Variants in YEATS4 observed in about 807,000 individuals in gnomAD.
YEATS4 encodes the protein YEATS domain containing 4, also known as YEATS domain-containing protein 4.
Under a neutral mutation model 30.1 loss-of-function variants are expected in YEATS4, and 17 were observed. That is an observed-to-expected ratio of 0.56 (90% CI 0.39 to 0.85). YEATS4 has a LOEUF of 0.85. Ranked by LOEUF, YEATS4 falls within the 40% of genes least tolerant of loss-of-function variation. The pLI is 0.00. For synonymous variants in YEATS4, 85 were observed against 87.5 expected, an observed-to-expected ratio of 0.97 and a Z score of 0.16; for missense variants, 142 against 268.3, an observed-to-expected ratio of 0.53 and a Z score of 3.29.
At chr12:69,362,706 A>T in intron 1 of YEATS4, 82 bp from the exon 2 acceptor site, 2 of 1,097,576 alleles carry the variant, frequency 1.8e-6, no homozygotes, top group Non-Finnish European at 2.4e-6. Context: ...GCCATTCTTT[A>T]AAGCAAGTTT....
chr12:69,368,700 C>T (rs1257413059), intron 4 of YEATS4, among the ~76,000 whole-genome samples: 1 of 152,156 alleles, frequency 6.6e-6, no homozygotes, highest in Non-Finnish European at 1.5e-5. Flanking sequence ...TTTTCCAAAG[C>T]CTTTAGGGGA....
chr12:69,370,965 T>C lies in YEATS4; in HGVS notation c.504T>C (p.His168=), dbSNP rs199732701. The change falls in exon 6 of 7, where the codon CAT becomes CAC. Residue 168 remains histidine (H), a synonymous_variant. Transcript: ENST00000247843. The part of the protein sequence containing the change: ...SRQLTLGAYK[H]ETEFAELEVK... ...AGCTAACATTAGGAGCCTATAAGCA[T>C]GAAACAGAATGTAAGTGCCATGCAT... 1.2e-6 allele frequency: 2 copies of C among 1,609,770 alleles called. No homozygotes were observed. The highest frequency in any genetic ancestry group is 2.7e-5 in the African/African-American group (2 of 74,686).
At chr12:69,375,265 G>A (rs1020202508) in intron 6 of YEATS4, among the ~76,000 whole-genome samples, 5 of 151,584 alleles carry the variant, frequency 3.3e-5, no homozygotes, top group African/African-American at 1.2e-4. Context: ...TTTCCAGATG[G>A]GGTCGCGGCC....
At chr12:69,381,473 A>T (rs1433537931) in intron 6 of YEATS4, among the ~76,000 whole-genome samples, 2 of 152,186 alleles carry the variant, frequency 1.3e-5, no homozygotes, top group Non-Finnish European at 2.9e-5. Context: ...TTGTGCAGTT[A>T]ACGCAATCAT....
intron 6 of YEATS4, among the ~76,000 whole-genome samples, chr12:69,386,088 CTT>C (rs1435630562): frequency 1.3e-5 from 2 of 152,182 alleles, no homozygotes; most frequent in African/African-American, 4.8e-5. Context: ...AAAACAGAAA[CTT>C]TTCTTTTTTT....
the YEATS4 span, among the ~76,000 whole-genome samples, chr12:69,423,414 G>A: frequency 6.6e-6 from 1 of 152,188 alleles, no homozygotes; most frequent in African/African-American, 2.4e-5. Flanking sequence ...GGAACATCCT[G>A]GAAGGCTTTC....
At chr12:69,425,241 C>T in the YEATS4 span, among the ~76,000 whole-genome samples, 1 of 152,132 alleles carries the variant, frequency 6.6e-6, no homozygotes. Flanking sequence ...GTATTTATTA[C>T]AATAAATTGT....
At chr12:69,423,929 G>C in the YEATS4 span, among the ~76,000 whole-genome samples, 1 of 152,178 alleles carries the variant, frequency 6.6e-6, no homozygotes, top group Non-Finnish European at 1.5e-5. Flanking sequence ...CTCTGGGAAA[G>C]AGTTATTTGG....
At chr12:69,424,001 A>G in the YEATS4 span, among the ~76,000 whole-genome samples, 6 of 152,276 alleles carry the variant, frequency 3.9e-5, no homozygotes, top group East Asian at 9.6e-4. Flanking sequence ...CTCTTTCTAG[A>G]TATTACTCTA....
chr12:69,372,571 G>C (rs1875689227), intron 6 of YEATS4, among the ~76,000 whole-genome samples: 1 of 136,146 alleles, frequency 7.3e-6, no homozygotes, highest in Non-Finnish European at 1.5e-5. Context: ...GCCTTGCTCT[G>C]TTGGCCTGGC....
At chr12:69,398,396 G>C in the YEATS4 span, among the ~76,000 whole-genome samples, 1 of 151,864 alleles carries the variant, frequency 6.6e-6, no homozygotes, top group Non-Finnish European at 1.5e-5. Context: ...AAATCAATTA[G>C]TTCCATACTC....
intron 1 of YEATS4, 40 bp from the exon 2 acceptor site, chr12:69,362,748 G>A: frequency 6.7e-7 from 1 of 1,486,530 alleles, no homozygotes; most frequent in Non-Finnish European, 9.1e-7. Context: ...TTTAGCTAAT[G>A]GTACAATATT....
chr12:69,372,615 A>G (rs1875691489), intron 6 of YEATS4, among the ~76,000 whole-genome samples: 1 of 147,866 alleles, frequency 6.8e-6, no homozygotes, highest in Admixed American at 6.9e-5. Context: ...GCTCACTGCA[A>G]CCTCTGTCTC....
At chr12:69,403,380 C>A in the YEATS4 span, among the ~76,000 whole-genome samples, 1 of 152,024 alleles carries the variant, frequency 6.6e-6, no homozygotes, top group Non-Finnish European at 1.5e-5. Context: ...AGTTTAAGAC[C>A]AGCCCGGCCA....
At chr12:69,381,774 A>G (rs1876090160) in intron 6 of YEATS4, among the ~76,000 whole-genome samples, 1 of 152,216 alleles carries the variant, frequency 6.6e-6, no homozygotes, top group Non-Finnish European at 1.5e-5. Flanking sequence ...TTCCCGCAAC[A>G]TCTCTCCCTT....
the YEATS4 span, among the ~76,000 whole-genome samples, chr12:69,420,067 AG>A: frequency 2.0e-5 from 3 of 152,160 alleles, no homozygotes; most frequent in Non-Finnish European, 4.4e-5. Context: ...GGTGTGGAAA[AG>A]GTGGGTTGTC....
the YEATS4 span, among the ~76,000 whole-genome samples, chr12:69,421,129 A>G: frequency 5.9e-5 from 9 of 152,232 alleles, no homozygotes; most frequent in South Asian, 1.2e-3. Flanking sequence ...AGTAGCTGGG[A>G]TTACATCTGT....
downstream of YEATS4, among the ~76,000 whole-genome samples, chr12:69,392,952 T>G (rs935775953): frequency 4.6e-5 from 7 of 152,202 alleles, no homozygotes; most frequent in African/African-American, 1.4e-4. Flanking sequence ...TGCAAAACAC[T>G]GTAGATAAAA....
In YEATS4 at chr12:69,362,820, T is replaced by C; in HGVS notation, c.84T>C (p.Gly28=). 1 of 1,611,702 alleles carries C rather than the reference T, an allele frequency of 6.2e-7. No individual in the cohort carries two copies. Among genetic ancestry groups the C allele is most frequent in the Non-Finnish European group, 8.5e-7 (1 of 1,178,388 alleles). ...GVTIVKPIVY[G]NVARYFGKKR... ...CTATCGTTAAACCAATAGTTTACGG[T>C]AATGTTGCTCGGTATTTTGGAAAGA... Residue 28 remains glycine, a synonymous_variant, in exon 2 of 7, where the codon GGT becomes GGC. Transcript: ENST00000247843.
Sources: gnomAD v4.1 joint callset for allele counts (sites outside exome capture counted in the v4.1 genomes callset) on GRCh38, gnomAD v4.1.1 for gene constraint, MANE v1.5 for transcripts, NCBI Gene and HGNC (gene_info 2026-07-23, HGNC 2026-07-21) for gene names.